ST18: variants seen among roughly 807,000 people sequenced by gnomAD.
ST18 encodes the protein ST18 C2H2C-type zinc finger transcription factor, also known as suppression of tumorigenicity 18 protein.
ST18 carries 50 observed loss-of-function variants against 110.0 expected under a neutral mutation model. That is an observed-to-expected ratio of 0.45 (90% CI 0.36 to 0.58). The LOEUF (loss-of-function observed/expected upper bound fraction) is 0.58, where lower values mean the gene tolerates loss of function less well. Among genes scored for constraint, ST18 ranks in the 20% least tolerant of loss-of-function variants. ST18 has a pLI of 0.00. For missense variants in ST18, 1,306 were observed against 1,280.1 expected, an observed-to-expected ratio of 1.02 and a Z score of -0.31; for synonymous variants, 461 against 452.4, an observed-to-expected ratio of 1.02 and a Z score of -0.24.
intron 2 of ST18, among the ~76,000 whole-genome samples, chr8:52,295,633 A>G (rs1044574000): frequency 2.6e-5 from 4 of 151,328 alleles, no homozygotes; most frequent in African/African-American, 9.7e-5. Flanking sequence ...GTACCTCTTT[A>G]GTAAGGTCAA....
At chr8:52,298,346 A>T (rs1202403685) in intron 2 of ST18, among the ~76,000 whole-genome samples, 1 of 152,222 alleles carries the variant, frequency 6.6e-6, no homozygotes, top group East Asian at 1.9e-4. Flanking sequence ...AATATTAAGT[A>T]GCACTATAAA....
intron 2 of ST18, among the ~76,000 whole-genome samples, chr8:52,321,122 G>A (rs117870518): frequency 0.02 from 3,004 of 152,240 alleles, 36 homozygotes; most frequent in Admixed American, 0.028. Context: ...AAGCAGGGCC[G>A]TGTATTGTTT....
At chr8:52,205,799 C>T (rs1052168470) in intron 8 of ST18, among the ~76,000 whole-genome samples, 1 of 152,046 alleles carries the variant, frequency 6.6e-6, no homozygotes, top group African/African-American at 2.4e-5. Context: ...AACTCCTAAC[C>T]TCAAGCGTTC....
chr8:52,118,269 A>T, intron 24 of ST18, 69 bp downstream of exon 24: 1 of 1,070,968 alleles, frequency 9.3e-7, no homozygotes, highest in East Asian at 2.5e-5. Flanking sequence ...AAGTTTTAAA[A>T]TTTCAATGTT....
At chr8:52,350,524 T>C (rs1314210674) in intron 2 of ST18, among the ~76,000 whole-genome samples, 1 of 152,062 alleles carries the variant, frequency 6.6e-6, no homozygotes, top group Non-Finnish European at 1.5e-5. Flanking sequence ...CATCCTTCAT[T>C]TGGAAACAGC....
intron 16 of ST18, among the ~76,000 whole-genome samples, chr8:52,149,381 T>C (rs1333021288): frequency 6.6e-6 from 1 of 152,246 alleles, no homozygotes; most frequent in African/African-American, 2.4e-5. Flanking sequence ...ACCCTCTGGT[T>C]CAGAAAGAAT....
chr8:52,372,603 T>C (rs936758771), intron 2 of ST18, among the ~76,000 whole-genome samples: 2 of 152,210 alleles, frequency 1.3e-5, no homozygotes, highest in Non-Finnish European at 2.9e-5. Context: ...TTTTAGAGTG[T>C]ATTTTTACAG....
chr8:52,341,732 T>A (rs1054592143), intron 2 of ST18, among the ~76,000 whole-genome samples: 2 of 152,186 alleles, frequency 1.3e-5, no homozygotes, highest in African/African-American at 4.8e-5. Flanking sequence ...AATAGTGAGA[T>A]TTTCCTTGCA....
chr8:52,390,522 T>C (rs80028693), intron 2 of ST18, among the ~76,000 whole-genome samples: 1 of 152,268 alleles, frequency 6.6e-6, no homozygotes, highest in East Asian at 1.9e-4. Flanking sequence ...AAAAAGAGAC[T>C]GAAAAGTTGT....
intron 1 of ST18, 47 bp from the exon 2 acceptor site, chr8:52,409,499 A>T (rs757820397): frequency 6.6e-6 from 1 of 150,992 alleles, no homozygotes; most frequent in Non-Finnish European, 1.5e-5. Context: ...TAAGAAAACC[A>T]TTGATTTTCA....
At chr8:52,267,523 C>T (rs910792977) in intron 2 of ST18, among the ~76,000 whole-genome samples, 10 of 150,234 alleles carry the variant, frequency 6.7e-5, no homozygotes, top group African/African-American at 2.2e-4. Context: ...CCTCTACACT[C>T]CCCTTGGAGA....
chr8:52,128,391 T>C (rs1014653691), intron 22 of ST18, among the ~76,000 whole-genome samples: 1 of 152,190 alleles, frequency 6.6e-6, no homozygotes, highest in African/African-American at 2.4e-5. Flanking sequence ...CACAAAGATA[T>C]GGCATAGCAC....
At chr8:52,333,031 G>C (rs747843205) in intron 2 of ST18, among the ~76,000 whole-genome samples, 1 of 152,022 alleles carries the variant, frequency 6.6e-6, no homozygotes, top group Non-Finnish European at 1.5e-5. Flanking sequence ...AACATAAACT[G>C]AGGTGGGATT....
intron 2 of ST18, among the ~76,000 whole-genome samples, chr8:52,345,998 A>G (rs1391417816): frequency 3.3e-5 from 5 of 152,110 alleles, no homozygotes; most frequent in African/African-American, 1.2e-4. Context: ...AATCTCTAGA[A>G]AGAGAAAGAT....
At chr8:52,280,915 A>G (rs1225099866) in intron 2 of ST18, among the ~76,000 whole-genome samples, 1 of 152,114 alleles carries the variant, frequency 6.6e-6, no homozygotes, top group Admixed American at 6.5e-5. Context: ...TTATAAACAT[A>G]CATAGAACAT....
At chr8:52,199,743 C>T (rs1166545758) in intron 8 of ST18, among the ~76,000 whole-genome samples, 1 of 152,124 alleles carries the variant, frequency 6.6e-6, no homozygotes, top group Admixed American at 6.5e-5. Context: ...ATCTCTAGTC[C>T]TATATATCCT....
At chr8:52,359,231 T>G (rs1339640589) in intron 2 of ST18, among the ~76,000 whole-genome samples, 1 of 152,088 alleles carries the variant, frequency 6.6e-6, no homozygotes, top group Non-Finnish European at 1.5e-5. Flanking sequence ...AGAAGGGAAC[T>G]GCCTCCACGT....
At chr8:52,296,633 T>C (rs2139446064) in intron 2 of ST18, 1 of 152,308 alleles carries the variant, frequency 6.6e-6, no homozygotes, top group South Asian at 2.1e-4. Context: ...GGGGCAGTAA[T>C]TGATTCTACC....
At chr8:52,164,114 A>C (rs367765928) in intron 12 of ST18, 24 bp from the exon 13 acceptor site, 3 of 1,585,552 alleles carry the variant, frequency 1.9e-6, no homozygotes, top group Non-Finnish European at 2.6e-6. Context: ...GAAACACAGG[A>C]GGATTTTAGT....
Sources: allele counts gnomAD v4.1 joint callset (sites outside exome capture counted in the v4.1 genomes callset), GRCh38; gene constraint gnomAD v4.1.1; transcripts MANE v1.5; gene names NCBI Gene and HGNC (gene_info 2026-07-23, HGNC 2026-07-21).